Variants in PARD3B observed in about 807,000 individuals in gnomAD.
PARD3B encodes par-3 family cell polarity regulator beta.
PARD3B carries 103 observed loss-of-function variants against 130.2 expected under a neutral mutation model. The ratio of observed to expected loss-of-function variants is 0.79; its 90% CI spans 0.67 to 0.93. The LOEUF is 0.93. Ranked by LOEUF, PARD3B falls within the 40% of genes least tolerant of loss-of-function variation. The probability of loss-of-function intolerance (pLI) is 0.00; values close to 1 mark genes in which losing one functional copy is unlikely to be tolerated. For missense variants in PARD3B, 1,609 were observed against 1,499.2 expected, an observed-to-expected ratio of 1.07 and a Z score of -1.21; for synonymous variants, 583 against 553.2, an observed-to-expected ratio of 1.05 and a Z score of -0.76.
In PARD3B at chr2:204,969,072, C is replaced by T. The variant is rs142208436; in HGVS notation, c.394+3749C>T. 5.1e-3 allele frequency among the ~76,000 whole-genome samples: 774 copies of T among 152,286 alleles called. 11 individuals carry two copies. The highest frequency in any genetic ancestry group is 0.018 in the African/African-American group (732 of 41,558). On this transcript the variant is annotated intron_variant, in intron 3 of 22. Coordinates refer to ENST00000406610, the MANE Select transcript of PARD3B (RefSeq NM_001302769.2). The stretch of plus-strand genomic sequence containing the variant: ...TCTGAAATCAGCCAAAGCATGTTAC[C>T]ATATAGTACAGAGATTGCTGGCCTG...
chr2:204,697,118 T>C (rs1421623030), intron 2 of PARD3B, among the ~76,000 whole-genome samples: 1 of 152,112 alleles, frequency 6.6e-6, no homozygotes, highest in Non-Finnish European at 1.5e-5. Context: ...TAGTTCTTAA[T>C]TGATAACAGG....
chr2:204,951,747 T>C (rs1209529811), intron 2 of PARD3B, among the ~76,000 whole-genome samples: 1 of 152,070 alleles, frequency 6.6e-6, no homozygotes, highest in East Asian at 1.9e-4. Flanking sequence ...TTTGGTAGGA[T>C]AGAGAAATGT....
chr2:205,093,471 T>C (rs1702228626), intron 4 of PARD3B, among the ~76,000 whole-genome samples: 2 of 151,724 alleles, frequency 1.3e-5, no homozygotes, highest in South Asian at 4.2e-4. Context: ...AAGAGGGAGA[T>C]TGAGTCCATG....
intron 5 of PARD3B, among the ~76,000 whole-genome samples, chr2:205,106,527 G>A (rs3899413): frequency 0.57 from 77,094 of 136,206 alleles, 20,305 homozygotes; most frequent in Admixed American, 0.65. Flanking sequence ...GTGTGTGTGT[G>A]TGTATATTTG....
intron 2 of PARD3B, among the ~76,000 whole-genome samples, chr2:204,910,726 G>A (rs759757504): frequency 1.3e-5 from 2 of 152,140 alleles, no homozygotes; most frequent in Non-Finnish European, 2.9e-5. Flanking sequence ...TGCAAGCTCC[G>A]CCTCTCCCGG....
intron 2 of PARD3B, among the ~76,000 whole-genome samples, chr2:204,710,850 G>C (rs954231438): frequency 6.6e-6 from 1 of 152,148 alleles, no homozygotes; most frequent in African/African-American, 2.4e-5. Context: ...ACAAGTGAAA[G>C]CTCTTAAGCT....
At chr2:205,518,772 T>C (rs1433541305) in intron 21 of PARD3B, among the ~76,000 whole-genome samples, 1 of 152,210 alleles carries the variant, frequency 6.6e-6, no homozygotes, top group African/African-American at 2.4e-5. Context: ...AAGGCAGGTC[T>C]GGTCGTAGTG....
chr2:205,380,128 A>G (rs1004765475), intron 18 of PARD3B, among the ~76,000 whole-genome samples: 2 of 130,574 alleles, frequency 1.5e-5, no homozygotes, highest in African/African-American at 2.9e-5. Context: ...AATATATTAT[A>G]TATATTATAT....
intron 2 of PARD3B, among the ~76,000 whole-genome samples, chr2:204,760,954 A>T (rs1395299167): frequency 6.6e-6 from 1 of 152,194 alleles, no homozygotes; most frequent in South Asian, 2.1e-4. Context: ...TAGCTGCCAC[A>T]TTTGTTGACT....
At chr2:204,924,473 T>A (rs760061289) in intron 2 of PARD3B, among the ~76,000 whole-genome samples, 15 of 152,108 alleles carry the variant, frequency 9.9e-5, no homozygotes, top group Non-Finnish European at 2.1e-4. Flanking sequence ...CAAGCATATG[T>A]ACAGCAATAC....
Position 205,366,766 on chromosome 2 carries a change from G to A in PARD3B, c.2631-34247G>A, listed in dbSNP as rs1017814903. ...GCATTTGAATTCTGCAACCTTTGAA[G>A]TTGTATCTCTGCACCTGGGGGCATT... On this transcript the variant is annotated intron_variant, in intron 18 of 22. Transcript: ENST00000406610. This position sits in a 1 kb window ranked among gnomAD's most constrained non-coding sequence, Gnocchi z 5.0. Among the ~76,000 whole-genome samples the A allele has an allele frequency of 1.3e-5, 2 of 152,198 alleles. No individual in the cohort carries two copies. Among genetic ancestry groups the A allele is most frequent in the African/African-American group, 4.8e-5 (2 of 41,450 alleles).
rs564715785 is a variant in PARD3B, at chr2:205,436,906, G to GTT, written c.2742-3453_2742-3452dup. On this transcript the variant is annotated intron_variant, in intron 19 of 22. Coordinates refer to ENST00000406610, the MANE Select transcript of PARD3B (RefSeq NM_001302769.2). Reference sequence around the variant, plus strand: ...TTTCTCACTACTTCACCTCCATGAAGTTTTTTTTTTTTAAGGTGGGAGACC... The same window carrying GTT: ...TTTCTCACTACTTCACCTCCATGAAGTTTTTTTTTTTTTTAAGGTGGGAGACC... 2.7e-5 allele frequency among the ~76,000 whole-genome samples: 4 copies of GTT among 146,078 alleles called. 1 individual carries two copies. Among genetic ancestry groups the GTT allele is most frequent in the Admixed American group, 6.8e-5 (1 of 14,600 alleles).
At chr2:205,267,396 C>T (rs1006248336) in intron 16 of PARD3B, among the ~76,000 whole-genome samples, 1 of 152,142 alleles carries the variant, frequency 6.6e-6, no homozygotes, top group African/African-American at 2.4e-5. Flanking sequence ...GATTTATAAA[C>T]AGTAACCTCT....
chr2:205,277,254 G>A (rs1248136470), intron 16 of PARD3B, among the ~76,000 whole-genome samples: 4 of 152,190 alleles, frequency 2.6e-5, no homozygotes, highest in Non-Finnish European at 5.9e-5. Flanking sequence ...TGGGGAGTGT[G>A]CTTGGGTTCA....
intron 2 of PARD3B, among the ~76,000 whole-genome samples, chr2:204,739,897 A>T (rs992749526): frequency 6.6e-6 from 1 of 152,020 alleles, no homozygotes; most frequent in African/African-American, 2.4e-5. Flanking sequence ...TTTTGTAATC[A>T]TAACACAGTA....
chr2:205,172,080 A>C (rs542974319), intron 11 of PARD3B, 131 bp from the exon 12 acceptor site: 1 of 840,142 alleles, frequency 1.2e-6, no homozygotes, highest in Non-Finnish European at 1.8e-6. Context: ...CATGGAAAAT[A>C]AATCACTTCT....
chr2:205,493,371 G>A (rs1315361102), intron 20 of PARD3B, among the ~76,000 whole-genome samples: 2 of 152,118 alleles, frequency 1.3e-5, no homozygotes, highest in Non-Finnish European at 2.9e-5. Context: ...GTATCTTGGC[G>A]TTCTTAAAGG....
intron 2 of PARD3B, among the ~76,000 whole-genome samples, chr2:204,867,214 C>G (rs184767024): frequency 6.6e-6 from 1 of 152,064 alleles, no homozygotes; most frequent in Admixed American, 6.5e-5. Context: ...ACCTAATTAG[C>G]TTTTGAGTTT....
intron 2 of PARD3B, among the ~76,000 whole-genome samples, chr2:204,730,003 AC>A (rs1559095579): frequency 4.8e-5 from 6 of 126,024 alleles, no homozygotes; most frequent in African/African-American, 1.8e-4. Context: ...ACACAAACAC[AC>A]ACACACACAC....
Sources: gnomAD v4.1 joint callset for allele counts (sites outside exome capture counted in the v4.1 genomes callset) on GRCh38, gnomAD v4.1.1 for gene constraint, Gnocchi (gnomAD v3.1) non-coding constraint, MANE v1.5 for transcripts, NCBI Gene and HGNC (gene_info 2026-07-23, HGNC 2026-07-21) for gene names.